The following ROCK1 variants were observed in gnomAD, a reference collection of about 807,000 sequenced individuals.
ROCK1 encodes the protein rho-associated protein kinase 1.
Under a neutral mutation model 196.8 loss-of-function variants are expected in ROCK1, and 36 were observed. The observed-to-expected ratio is 0.18, with a 90% CI of 0.14 to 0.24. The LOEUF (loss-of-function observed/expected upper bound fraction) is 0.24, where lower values mean the gene tolerates loss of function less well. Ranked by LOEUF, ROCK1 falls within the 10% of genes least tolerant of loss-of-function variation. ROCK1 has a pLI of 1.00. For missense variants in ROCK1, 920 were observed against 1,562.0 expected (o/e 0.59, Z 6.93); for synonymous variants, 443 against 515.9 (o/e 0.86, Z 1.91).
chr18:21,033,135 T>C (rs921249677), intron 9 of ROCK1, among the ~76,000 whole-genome samples: 9 of 151,718 alleles, frequency 5.9e-5, no homozygotes, highest in African/African-American at 2.2e-4. Context: ...AGTTCAAAAA[T>C]ACAGTGAGCT....
chr18:21,031,342 C>T (rs2036004431), intron 9 of ROCK1, among the ~76,000 whole-genome samples: 1 of 152,102 alleles, frequency 6.6e-6, no homozygotes, highest in Non-Finnish European at 1.5e-5. Context: ...TGGTGGCTCA[C>T]GCCTGTAATC....
chr18:21,102,430 G>C (rs947707958), intron 1 of ROCK1, among the ~76,000 whole-genome samples: 1 of 152,150 alleles, frequency 6.6e-6, no homozygotes, highest in Non-Finnish European at 1.5e-5. Context: ...TAAATTCCAT[G>C]AAAGTGGGAC....
chr18:21,078,402 C>G (rs537990607), intron 1 of ROCK1, among the ~76,000 whole-genome samples: 2 of 146,068 alleles, frequency 1.4e-5, no homozygotes, highest in South Asian at 4.3e-4. Flanking sequence ...AGAGAGAGAA[C>G]CTAGTGTGGT....
chr18:21,089,736 CAA>C lies in ROCK1; in HGVS notation c.94-19125_94-19124del, dbSNP rs372887470. On this transcript the variant is annotated intron_variant, in intron 1 of 32. Transcript: ENST00000399799. Reference sequence around the variant, plus strand: ...ATCTAACACAAAGCCTATTTTATAACAAAGTGTCAAATATCTCATGTAATTTA... The same window carrying C: ...ATCTAACACAAAGCCTATTTTATAACAGTGTCAAATATCTCATGTAATTTA... 5.1e-4 allele frequency among the ~76,000 whole-genome samples: 77 copies of C among 152,256 alleles called. 1 individual carries two copies. In the East Asian group the frequency reaches 7.5e-3, roughly 15 times the overall value.
intron 1 of ROCK1, among the ~76,000 whole-genome samples, chr18:21,088,694 A>G (rs1416684747): frequency 6.6e-6 from 1 of 152,184 alleles, no homozygotes; most frequent in African/African-American, 2.4e-5. Context: ...TGTAAAGGTC[A>G]TGAGGGCAGA....
intron 13 of ROCK1, among the ~76,000 whole-genome samples, chr18:21,013,333 C>T (rs2035834290): frequency 6.6e-6 from 1 of 152,226 alleles, no homozygotes; most frequent in Admixed American, 6.5e-5. Context: ...TCAGCCTCTA[C>T]TGACACCTCA....
intron 20 of ROCK1, among the ~76,000 whole-genome samples, chr18:20,983,734 A>G (rs769060202): frequency 6.6e-6 from 1 of 152,178 alleles, no homozygotes; most frequent in Non-Finnish European, 1.5e-5. Flanking sequence ...TCACCAATAT[A>G]AATCCAATTT....
Position 20,951,270 on chromosome 18 carries a change from C to T in ROCK1, c.*114G>A. The T allele has an allele frequency of 1.0e-6, 1 of 967,790 alleles. No homozygotes were observed. The highest frequency in any genetic ancestry group is 1.5e-6 in the Non-Finnish European group (1 of 648,286). The allele number at this position is 967,790 out of a possible 1,614,324, so 60.0% of individuals were successfully genotyped here. A position where few individuals can be genotyped will look rare whatever the true frequency, so the allele number is the denominator to read the frequency against. On this transcript the variant is annotated 3_prime_UTR_variant, in exon 33 of 33. Coordinates refer to ENST00000399799, the MANE Select transcript of ROCK1 (RefSeq NM_005406.3). ...GGACAGAAAAACAGCAATCTTAACC[C>T]TGAAGCCTGTGATATTTGTGTCAAA...
chr18:20,956,791 T>C (rs2035246233), intron 29 of ROCK1, among the ~76,000 whole-genome samples: 1 of 152,136 alleles, frequency 6.6e-6, no homozygotes, highest in Non-Finnish European at 1.5e-5. Context: ...AACATAGGAT[T>C]CTTATTCAGA....
chr18:20,992,996 T>C, intron 16 of ROCK1, 59 bp from the exon 17 acceptor site: 1 of 996,008 alleles, frequency 1.0e-6, no homozygotes, highest in Non-Finnish European at 1.5e-6. Context: ...TTTTGTTCAG[T>C]ATTGACAATT....
chr18:20,987,747 C>A (rs1447565597), intron 18 of ROCK1, among the ~76,000 whole-genome samples: 1 of 152,168 alleles, frequency 6.6e-6, no homozygotes, highest in Admixed American at 6.5e-5. Flanking sequence ...TTGGAGACCA[C>A]CCTCTAGGTG....
At chr18:21,004,864 C>T (rs1178922748) in intron 16 of ROCK1, among the ~76,000 whole-genome samples, 1 of 152,152 alleles carries the variant, frequency 6.6e-6, no homozygotes, top group Non-Finnish European at 1.5e-5. Flanking sequence ...CTATTTTAAG[C>T]CTGGTCCCTG....
intron 22 of ROCK1, among the ~76,000 whole-genome samples, chr18:20,973,219 C>T (rs2035446937): frequency 6.6e-6 from 1 of 151,872 alleles, no homozygotes; most frequent in Admixed American, 6.6e-5. Context: ...AATATGTTTA[C>T]ATAACAATGA....
chr18:20,967,056 T>C lies in ROCK1; in HGVS notation c.3213A>G (p.Ala1071=), dbSNP rs773377004. Residue 1071 remains alanine (A), a synonymous_variant, in exon 27 of 33, where the codon GCA becomes GCG. Coordinates refer to ENST00000399799, the MANE Select transcript of ROCK1 (RefSeq NM_005406.3). ...ACTGCATCTGAAGCTCATTCCTATG[T>C]GCACATTCTTCTACCAATTGCTAAT... is the stretch of plus-strand genomic sequence containing the variant. ...DMQAQLVEEC[A]HRNELQMQLA... is the part of the protein sequence containing the mutation. 1.9e-6 allele frequency: 3 copies of C among 1,610,662 alleles called. No individual in the cohort carries two copies. The highest frequency in any genetic ancestry group is 1.7e-5 in the Admixed American group (1 of 59,580).
chr18:21,028,741 C>A, intron 10 of ROCK1, 35 bp downstream of exon 10: 2 of 1,529,812 alleles, frequency 1.3e-6, no homozygotes, highest in Non-Finnish European at 8.8e-7. Flanking sequence ...ACAAAATCAG[C>A]ACTTACTCCT....
intron 17 of ROCK1, among the ~76,000 whole-genome samples, 179 bp from the exon 18 acceptor site, chr18:20,991,505 T>C (rs542012351): frequency 2.0e-5 from 3 of 152,328 alleles, no homozygotes; most frequent in East Asian, 1.9e-4. Flanking sequence ...ATTTGAATCA[T>C]TAATCATGGC....
intron 28 of ROCK1, 71 bp from the exon 29 acceptor site, chr18:20,959,999 T>C: frequency 9.3e-7 from 1 of 1,077,504 alleles, no homozygotes; most frequent in East Asian, 2.4e-5. Context: ...AAGCATAATA[T>C]TTGCCACTAA....
At chr18:20,968,945 A>G (rs2143358715) in intron 24 of ROCK1, 85 bp from the exon 25 acceptor site, 1 of 987,866 alleles carries the variant, frequency 1.0e-6, no homozygotes, top group Middle Eastern at 2.4e-4. Flanking sequence ...AATTATTCAA[A>G]TAAGTATACA....
At chr18:21,004,278 A>AT (rs1429567123) in intron 16 of ROCK1, among the ~76,000 whole-genome samples, 2 of 152,310 alleles carry the variant, frequency 1.3e-5, no homozygotes, top group East Asian at 3.9e-4. Flanking sequence ...CAATTAATGA[A>AT]TAACAATCAA....
Sources: allele counts gnomAD v4.1 joint callset (sites outside exome capture counted in the v4.1 genomes callset), GRCh38; gene constraint gnomAD v4.1.1; transcripts MANE v1.5; gene names NCBI Gene and HGNC (gene_info 2026-07-23, HGNC 2026-07-21).